Variants in DOCK1 observed in about 807,000 individuals in gnomAD.
DOCK1 encodes the protein dedicator of cytokinesis protein 1.
Under a neutral mutation model 262.7 loss-of-function variants are expected in DOCK1, and 138 were observed. That is an observed-to-expected ratio of 0.53 (90% CI 0.46 to 0.61). The LOEUF (loss-of-function observed/expected upper bound fraction) is 0.61, where lower values mean the gene tolerates loss of function less well. Ranked by LOEUF, DOCK1 falls within the 20% of genes least tolerant of loss-of-function variation. DOCK1 has a pLI of 0.00. For synonymous variants in DOCK1, 866 were observed against 867.4 expected, an observed-to-expected ratio of 1.00 and a Z score of 0.03; for missense variants, 1,908 against 2,370.7, an observed-to-expected ratio of 0.80 and a Z score of 4.05.
intron 32 of DOCK1, among the ~76,000 whole-genome samples, chr10:127,360,775 A>G (rs1021758975): frequency 2.6e-5 from 4 of 152,160 alleles, no homozygotes; most frequent in African/African-American, 9.7e-5. Context: ...GAATTTGTAA[A>G]ATGAGGGTCA....
chr10:127,300,148 G>A (rs72836451), intron 29 of DOCK1, among the ~76,000 whole-genome samples: 10 of 152,092 alleles, frequency 6.6e-5, no homozygotes, highest in South Asian at 2.1e-4. Context: ...GGGAAGTTCC[G>A]CAGGCCAGCT....
chr10:127,451,515 C>T lies in DOCK1; in HGVS notation c.*88C>T, dbSNP rs1227592702. On this transcript the variant is annotated 3_prime_UTR_variant, in exon 52 of 52. Coordinates refer to ENST00000623213, the MANE Select transcript of DOCK1 (RefSeq NM_001290223.2). ...TGTCCCCTGAGTCTGCTGTTTACCT[C>T]ATTGGGCCTGTGATGTTAACATTTC... 6.5e-7 allele frequency: 1 copy of T among 1,539,844 alleles called. No individual in the cohort carries two copies. The highest frequency in any genetic ancestry group is 1.4e-5 in the African/African-American group (1 of 73,024).
rs1045338156 is a variant in DOCK1, at chr10:127,215,317, C to T, written c.2848-32691C>T. Among the ~76,000 whole-genome samples the T allele has an allele frequency of 2.0e-5, 3 of 152,138 alleles. No homozygotes were observed. The South Asian group carries it at 6.2e-4, about 32-fold the overall frequency. The stretch of plus-strand genomic sequence containing the variant: ...CCCCTGGTCCACTGGCCTCGGGTTT[C>T]CTGCAGCATCCATGGAGCACTAGGG... On this transcript the variant is annotated intron_variant, in intron 27 of 51. Transcript: ENST00000623213.
intron 49 of DOCK1, among the ~76,000 whole-genome samples, chr10:127,441,409 T>A (rs1483250454): frequency 1.3e-5 from 2 of 152,184 alleles, no homozygotes; most frequent in Non-Finnish European, 2.9e-5. Flanking sequence ...TCTGGCCCAG[T>A]GTCAGCTTGA....
intron 31 of DOCK1, among the ~76,000 whole-genome samples, chr10:127,344,876 AAAAG>A (rs2063565397): frequency 2.0e-5 from 3 of 152,224 alleles, no homozygotes; most frequent in Non-Finnish European, 4.4e-5. Context: ...CTTTCAAAAA[AAAAG>A]AGAAGAAAGA....
intron 27 of DOCK1, among the ~76,000 whole-genome samples, chr10:127,159,807 G>GA (rs2053429630): frequency 6.6e-6 from 1 of 152,138 alleles, no homozygotes; most frequent in Non-Finnish European, 1.5e-5. Context: ...AATGATAAAG[G>GA]AGGAGGGTGG....
chr10:127,180,368 T>C (rs1163172076), intron 27 of DOCK1, among the ~76,000 whole-genome samples: 2 of 152,202 alleles, frequency 1.3e-5, no homozygotes, highest in Non-Finnish European at 2.9e-5. Context: ...TTTGGGGAGC[T>C]GATCTCTTGG....
intron 49 of DOCK1, among the ~76,000 whole-genome samples, chr10:127,440,414 G>A (rs1032497394): frequency 1.3e-5 from 2 of 152,078 alleles, no homozygotes; most frequent in African/African-American, 2.4e-5. Context: ...CTTCCAGGGC[G>A]AACTTGATTC....
At chr10:126,923,564 C>T (rs1248596784) in intron 1 of DOCK1, among the ~76,000 whole-genome samples, 1 of 152,170 alleles carries the variant, frequency 6.6e-6, no homozygotes, top group Non-Finnish European at 1.5e-5. Flanking sequence ...GCGGAGGTTG[C>T]AGTGAGCCGA....
At position 126,996,970 on chromosome 10, in the gene DOCK1, T is replaced by C. The variant is rs1463150106; in HGVS notation, c.609+87T>C. On this transcript the variant is annotated intron_variant, in intron 7 of 51. Coordinates refer to ENST00000623213, the MANE Select transcript of DOCK1 (RefSeq NM_001290223.2). ...AAAGTATCAGTCAAGCCCAAAATTG[T>C]CACTAAGAAAGAACCTGAAAAGGAG... The C allele has an allele frequency of 7.7e-5, 108 of 1,410,674 alleles. No individual in the cohort carries two copies. The South Asian group carries it at 1.1e-3, about 14-fold the overall frequency. 87.4% of individuals were successfully genotyped at this position (1,410,674 alleles called of 1,614,324 possible).
chr10:127,425,836 T>C (rs1205664145), intron 46 of DOCK1, 38 bp from the exon 47 acceptor site: 1 of 1,613,436 alleles, frequency 6.2e-7, no homozygotes, highest in East Asian at 2.2e-5. Flanking sequence ...TAGACCATTA[T>C]CCAAGAAATA....
In DOCK1 at chr10:127,022,228, A is replaced by T. The variant is rs140609117; in HGVS notation, c.1328-972A>T. 1.4e-3 allele frequency among the ~76,000 whole-genome samples: 207 copies of T among 152,032 alleles called. 1 individual carries two copies. Among genetic ancestry groups the T allele is most frequent in the Middle Eastern group, 6.8e-3 (2 of 294 alleles). On this transcript the variant is annotated intron_variant, in intron 13 of 51. Coordinates refer to ENST00000623213, the MANE Select transcript of DOCK1 (RefSeq NM_001290223.2). ...TCTGTGGTCCCCATTCGGGATCCTG[A>T]TAGCTGCCTGCCAGAAGGGAAGAGC...
In DOCK1 at chr10:126,972,082, A is replaced by C. The variant is rs184970701; in HGVS notation, c.130+1297A>C. Among the ~76,000 whole-genome samples, 1,180 of 151,692 alleles carry C rather than the reference A, an allele frequency of 7.8e-3. 9 individuals carry two copies. Among genetic ancestry groups the C allele is most frequent in the Middle Eastern group, 0.017 (5 of 292 alleles). On this transcript the variant is annotated intron_variant, in intron 2 of 51. Coordinates refer to ENST00000623213, the MANE Select transcript of DOCK1 (RefSeq NM_001290223.2). ...CAGGCATGTGTCACTGTACCCACCT[A>C]ATTTTGTATTTTTAGTAGTGACGGG...
In DOCK1 at chr10:127,192,208, A is replaced by G. The variant is rs530504963; in HGVS notation, c.2848-55800A>G. On this transcript the variant is annotated intron_variant, in intron 27 of 51. Coordinates refer to ENST00000623213, the MANE Select transcript of DOCK1 (RefSeq NM_001290223.2). ...ATAGTGTGGTAAAGAGAACATGTCT[A>G]TGGATGTGCAATACTTTGAATAAAC... Among the ~76,000 whole-genome samples the G allele has an allele frequency of 6.6e-5, 10 of 152,324 alleles. No individual in the cohort carries two copies. In the South Asian group the frequency reaches 2.1e-3, roughly 32 times the overall value.
At chr10:127,042,563 TCCA>T in intron 19 of DOCK1, 59 bp from the exon 20 acceptor site, 20 of 1,409,058 alleles carry the variant, frequency 1.4e-5, no homozygotes, top group Non-Finnish European at 1.8e-5. Flanking sequence ...TGATAGTTAT[TCCA>T]GTGTGTGGGG....
At chr10:127,042,872 C>CT (rs1057329391) in intron 20 of DOCK1, among the ~76,000 whole-genome samples, 158 bp downstream of exon 20, 7 of 151,888 alleles carry the variant, frequency 4.6e-5, no homozygotes, top group South Asian at 2.1e-4. Context: ...TTTTTTTTCT[C>CT]TTTTTTTTAA....
chr10:127,381,958 T>TATGGATGGATGGATGG (rs10541699), intron 37 of DOCK1, among the ~76,000 whole-genome samples: 2 of 149,914 alleles, frequency 1.3e-5, no homozygotes, highest in African/African-American at 4.9e-5. Context: ...TACAGTGACG[T>TATGGATGGATGGATGG]ATGGATGGAT....
chr10:126,965,190 G>T (rs1017306418), intron 1 of DOCK1, among the ~76,000 whole-genome samples: 3 of 152,144 alleles, frequency 2.0e-5, no homozygotes, highest in Non-Finnish European at 4.4e-5. Flanking sequence ...CTTCTTCTTG[G>T]TAGGGGGAGA....
chr10:127,067,577 G>A (rs1268285594), intron 23 of DOCK1, among the ~76,000 whole-genome samples: 1 of 151,738 alleles, frequency 6.6e-6, no homozygotes, highest in Non-Finnish European at 1.5e-5. Context: ...AAATGCTCAT[G>A]AAGAAGTTCT....
Sources: allele counts gnomAD v4.1 joint callset (sites outside exome capture counted in the v4.1 genomes callset), GRCh38; gene constraint gnomAD v4.1.1; transcripts MANE v1.5; gene names NCBI Gene and HGNC (gene_info 2026-07-23, HGNC 2026-07-21).